TEX11: variants seen among roughly 807,000 people sequenced by gnomAD.
TEX11 encodes the protein testis expressed 11.
Under a neutral mutation model 84.4 loss-of-function variants are expected in TEX11, and 7 were observed. The ratio of observed to expected loss-of-function variants is 0.08; its 90% CI spans 0.05 to 0.16. TEX11 has a LOEUF of 0.16. Ranked by LOEUF, TEX11 falls within the 10% of genes least tolerant of loss-of-function variation. The pLI is 1.00. For synonymous variants in TEX11, 264 were observed against 222.8 expected (o/e 1.18, Z -1.64); for missense variants, 551 against 660.5 (o/e 0.83, Z 1.82).
chrX:70,516,126 T>A, the TEX11 span, among the ~76,000 whole-genome samples: 20 of 112,363 alleles, frequency 1.8e-4, no homozygotes, highest in East Asian at 5.3e-3. Context: ...TTTAGTTTAA[T>A]TAGATCCCAT....
chrX:70,629,580 A>G, intron 18 of TEX11, 31 bp downstream of exon 18: 1 of 1,199,610 alleles, frequency 8.3e-7, no homozygotes. Flanking sequence ...AAAAGGGATA[A>G]AAATCTAGTA....
At chrX:70,724,220 C>T (rs2147721861) in intron 12 of TEX11, 3 of 752,476 alleles carry the variant, frequency 4.0e-6, no homozygotes, top group South Asian at 6.8e-5. Context: ...TTGTTTATTC[C>T]CCCAATGCAA....
In TEX11 at chrX:70,641,127, G is replaced by A. The variant is rs148788940; in HGVS notation, c.1483+10323C>T. Among the ~76,000 whole-genome samples, 227 of 111,134 alleles carry A rather than the reference G, an allele frequency of 2.0e-3. 2 individuals are homozygous for A. Among genetic ancestry groups the A allele is most frequent in the African/African-American group, 7.3e-3 (223 of 30,545 alleles). On this transcript the variant is annotated intron_variant, in intron 17 of 29. Transcript: ENST00000374333. ...GGCAGGGGTTGCAATCCTATTCTCT[G>A]ATCAAACAGACTTTAAACCAACAAA...
chrX:70,901,486 T>C (rs1362529059), intron 2 of TEX11, among the ~76,000 whole-genome samples: 1 of 111,507 alleles, frequency 9.0e-6, no homozygotes, highest in Non-Finnish European at 1.9e-5. Context: ...TAGAAGACAA[T>C]TTTTCCACGG....
At chrX:70,569,868 C>T (rs904878214) in intron 25 of TEX11, among the ~76,000 whole-genome samples, 1 of 111,866 alleles carries the variant, frequency 8.9e-6, no homozygotes, top group Admixed American at 9.4e-5. Context: ...CAGGGACCCA[C>T]TTGAGGAGGC....
At chrX:70,862,119 A>C (rs1000020793) in intron 4 of TEX11, among the ~76,000 whole-genome samples, 5 of 110,700 alleles carry the variant, frequency 4.5e-5, no homozygotes, top group Non-Finnish European at 7.6e-5. Context: ...AGCCTCCCAA[A>C]GTGCTGGGAT....
At chrX:70,797,421 G>A (rs2091161706) in intron 9 of TEX11, among the ~76,000 whole-genome samples, 1 of 110,886 alleles carries the variant, frequency 9.0e-6, no homozygotes, top group Admixed American at 9.6e-5. Flanking sequence ...GAAAACACAG[G>A]GCCAAATGCC....
intron 20 of TEX11, among the ~76,000 whole-genome samples, chrX:70,619,240 A>G: frequency 8.9e-6 from 1 of 111,912 alleles, no homozygotes; most frequent in East Asian, 2.8e-4. Flanking sequence ...CTATATTTTT[A>G]AATCTTTATG....
chrX:70,760,152 A>G (rs1302449743), intron 9 of TEX11, among the ~76,000 whole-genome samples: 1 of 112,000 alleles, frequency 8.9e-6, no homozygotes, highest in Non-Finnish European at 1.9e-5. Flanking sequence ...ATGCTCATGG[A>G]TAGGAATAAT....
chrX:70,683,600 C>T (rs1029519707), intron 13 of TEX11, among the ~76,000 whole-genome samples: 2 of 111,085 alleles, frequency 1.8e-5, no homozygotes, highest in Admixed American at 9.6e-5. Flanking sequence ...CCAGCCTGGG[C>T]GACAGACTGA....
intron 8 of TEX11, among the ~76,000 whole-genome samples, chrX:70,818,023 C>T (rs2091298488): frequency 9.0e-6 from 1 of 111,331 alleles, no homozygotes; most frequent in African/African-American, 3.3e-5. Context: ...CAGAGAGCTC[C>T]AGAGCCTGTA....
chrX:70,572,606 G>A (rs2088617157), intron 25 of TEX11, among the ~76,000 whole-genome samples: 1 of 110,394 alleles, frequency 9.1e-6, no homozygotes, highest in Admixed American at 9.8e-5. Context: ...CAAGCCAAAT[G>A]TCCAACAATG....
At position 70,871,997 on chromosome X, in the gene TEX11, A is replaced by G. The variant is rs769194880; in HGVS notation, c.244+1226T>C. Among the ~76,000 whole-genome samples the G allele has an allele frequency of 1.0e-4, 11 of 107,170 alleles. No homozygotes were observed. The South Asian group carries it at 4.5e-3, about 44-fold the overall frequency. 93.1% of individuals were successfully genotyped at this position (107,170 alleles called of 115,157 possible). A position where few individuals can be genotyped will look rare whatever the true frequency, so the allele number is the denominator to read the frequency against. ...CACCCCTTGCCGTCCCTTAAAAAAA[A>G]AAAAGAAAAAGAAAAAAAGAAATGA... On this transcript the variant is annotated intron_variant, in intron 4 of 29. Transcript: ENST00000374333.
chrX:70,574,780 G>A (rs957431686), intron 25 of TEX11, among the ~76,000 whole-genome samples: 2 of 111,684 alleles, frequency 1.8e-5, no homozygotes, highest in African/African-American at 6.5e-5. Flanking sequence ...CACAGGTTAA[G>A]GGGTTAAATA....
intron 5 of TEX11, among the ~76,000 whole-genome samples, chrX:70,853,947 AAC>A (rs1220612840): frequency 3.6e-5 from 4 of 112,177 alleles, no homozygotes; most frequent in Non-Finnish European, 7.5e-5. Context: ...GCTGGACAGA[AAC>A]AGAGTTCTAG....
At chrX:70,640,761 T>C (rs1339386300) in intron 17 of TEX11, among the ~76,000 whole-genome samples, 2 of 110,107 alleles carry the variant, frequency 1.8e-5, no homozygotes, top group Non-Finnish European at 3.8e-5. Context: ...AAAGAGCTCC[T>C]GAAGGAAGCA....
At chrX:70,602,096 C>G (rs1299192477) in intron 24 of TEX11, among the ~76,000 whole-genome samples, 1 of 111,741 alleles carries the variant, frequency 8.9e-6, no homozygotes, top group African/African-American at 3.3e-5. Context: ...GGGCTCCTCA[C>G]TTCCCAGTAG....
At chrX:70,899,009 C>T (rs971583635) in intron 2 of TEX11, among the ~76,000 whole-genome samples, 8 of 112,056 alleles carry the variant, frequency 7.1e-5, no homozygotes, top group Non-Finnish European at 1.5e-4. Flanking sequence ...TAAGTATGCT[C>T]ATGATTCTAA....
intron 9 of TEX11, among the ~76,000 whole-genome samples, chrX:70,805,550 G>A (rs2091214306): frequency 1.8e-5 from 2 of 110,532 alleles, no homozygotes; most frequent in African/African-American, 6.6e-5. Flanking sequence ...ACAGGCCTGT[G>A]CCACCACACC....
Sources: gnomAD v4.1 joint callset for allele counts (sites outside exome capture counted in the v4.1 genomes callset) on GRCh38, gnomAD v4.1.1 for gene constraint, MANE v1.5 for transcripts, NCBI Gene and HGNC (gene_info 2026-07-23, HGNC 2026-07-21) for gene names.